The following RPGRIP1 variants were observed in gnomAD, a reference collection of about 807,000 sequenced individuals.
RPGRIP1 encodes the protein RPGR interacting protein 1, also known as X-linked retinitis pigmentosa GTPase regulator-interacting protein 1.
In RPGRIP1, 128 loss-of-function variants were observed where a neutral mutation model predicts 157.9. The ratio of observed to expected loss-of-function variants is 0.81; its 90% CI spans 0.70 to 0.94. The LOEUF is 0.94. RPGRIP1 is among the 40% of genes least tolerant of loss of function. The pLI is 0.00. For missense variants in RPGRIP1, 1,486 were observed against 1,545.8 expected (o/e 0.96, Z 0.65); for synonymous variants, 554 against 571.6 (o/e 0.97, Z 0.44).
chr14:21,294,749 T>C lies in RPGRIP1; in HGVS notation c.158T>C (p.Leu53Pro). The C allele has an allele frequency of 1.4e-5, 23 of 1,613,092 alleles. No homozygotes were observed. Among genetic ancestry groups the C allele is most frequent in the Non-Finnish European group, 1.9e-5 (22 of 1,179,494 alleles). The change falls in exon 3 of 25, where the codon CTT becomes CCT. Residue 53 changes from leucine (L) to proline (P), a missense_variant. By Grantham distance (98) the Leu-to-Pro change is moderately conservative. Transcript: ENST00000400017. The part of the protein sequence containing the change: ...REELEDSFFR[L>P]REDHMLVKEL... ...GAATTGGAGGACAGTTTCTTTCGAC[T>C]TCGCGAAGATCACATGTTGGTGAAG...
Position 21,296,506 on chromosome 14 carries a change from G to T in RPGRIP1, c.218+1697G>T, listed in dbSNP as rs563567051. Among the ~76,000 whole-genome samples, 29 of 151,468 alleles carry T rather than the reference G, an allele frequency of 1.9e-4. No individual in the cohort carries two copies. In the South Asian group the frequency reaches 6.1e-3, roughly 32 times the overall value. ...TGGGATTACAGGCATTAGCCAACAC[G>T]CCAGGCCTTAATATTTGTATTTTTT... is the stretch of plus-strand genomic sequence containing the variant. On this transcript the variant is annotated intron_variant, in intron 3 of 24. Coordinates refer to ENST00000400017, the MANE Select transcript of RPGRIP1 (RefSeq NM_020366.4).
At chr14:21,308,367 C>T (rs1199694214) in intron 7 of RPGRIP1, among the ~76,000 whole-genome samples, 1 of 152,178 alleles carries the variant, frequency 6.6e-6, no homozygotes, top group African/African-American at 2.4e-5. Context: ...CAGCACCATC[C>T]TTTTATTGAA....
chr14:21,294,567 C>T (rs1880680399), intron 2 of RPGRIP1, 110 bp from the exon 3 acceptor site: 4 of 1,107,070 alleles, frequency 3.6e-6, no homozygotes, highest in Non-Finnish European at 5.2e-6. Context: ...CTCATAAATA[C>T]TTGACTCAAG....
intron 20 of RPGRIP1, among the ~76,000 whole-genome samples, chr14:21,334,229 C>T (rs1884098417): frequency 1.3e-5 from 2 of 151,930 alleles, no homozygotes; most frequent in African/African-American, 4.8e-5. Context: ...GCCAGAGAGG[C>T]CATCTTTGGA....
At chr14:21,316,300 T>TG (rs1881805226) in intron 10 of RPGRIP1, among the ~76,000 whole-genome samples, 2 of 152,024 alleles carry the variant, frequency 1.3e-5, no homozygotes, top group East Asian at 3.9e-4. Context: ...TTAATGGAGA[T>TG]GGGGTTTCAC....
intron 24 of RPGRIP1, 151 bp from the exon 25 acceptor site, chr14:21,350,953 A>G: frequency 1.8e-6 from 1 of 569,744 alleles, no homozygotes; most frequent in Admixed American, 3.2e-5. Context: ...GCACCTATAC[A>G]CTATACCATT....
Position 21,297,615 on chromosome 14 carries a change from C to T in RPGRIP1, c.218+2806C>T, listed in dbSNP as rs956151543. 7.2e-5 allele frequency among the ~76,000 whole-genome samples: 11 copies of T among 152,072 alleles called. 1 individual carries two copies. Among genetic ancestry groups the T allele is most frequent in the Admixed American group, 6.6e-4 (10 of 15,238 alleles). ...CCAGCCAAGGACCACCAGGAACATACCAACAGTTGAGCAAGCTGGGCTTAT... is the reference window on the plus strand; with the variant it reads ...CCAGCCAAGGACCACCAGGAACATATCAACAGTTGAGCAAGCTGGGCTTAT... On this transcript the variant is annotated intron_variant, in intron 3 of 24. Coordinates refer to ENST00000400017, the MANE Select transcript of RPGRIP1 (RefSeq NM_020366.4).
rs1357496245 is a variant in RPGRIP1, at chr14:21,327,643, C to A, written c.2731C>A (p.Pro911Thr). The A allele has an allele frequency of 6.2e-7, 1 of 1,613,842 alleles. No homozygotes were observed. Among genetic ancestry groups the A allele is most frequent in the Non-Finnish European group, 8.5e-7 (1 of 1,179,820 alleles). Reference protein sequence around the residue: ...SIKGDFNLTDPAEKPNGSIQV... With the variant: ...SIKGDFNLTDTAEKPNGSIQV... ...CTCAGGTGATTTTAACCTCACTGAC[C>A]CTGCAGAGAAACCCAACGGATCTAT... Residue 911 changes from proline (P) to threonine (T), a missense_variant, in exon 18 of 25, where the codon CCT becomes ACT. By Grantham distance (38) the Pro-to-Thr change is conservative (BLOSUM62 -1). Coordinates refer to ENST00000400017, the MANE Select transcript of RPGRIP1 (RefSeq NM_020366.4).
At chr14:21,346,555 GA>G (rs112183474) in intron 23 of RPGRIP1, among the ~76,000 whole-genome samples, 2,575 of 148,950 alleles carry the variant, frequency 0.017, 75 homozygotes, top group African/African-American at 0.057. Flanking sequence ...TGCCTCTAAG[GA>G]AAAAAAAAAG....
intron 3 of RPGRIP1, among the ~76,000 whole-genome samples, chr14:21,298,749 G>A (rs1170393645): frequency 6.6e-6 from 1 of 151,612 alleles, no homozygotes; most frequent in Non-Finnish European, 1.5e-5. Context: ...AGACCAGCCT[G>A]TTCAACATGG....
At chr14:21,294,860 T>TTTTTTTTTG (rs1880701556) in intron 3 of RPGRIP1, 51 bp downstream of exon 3, 1 of 885,250 alleles carries the variant, frequency 1.1e-6, no homozygotes, top group Non-Finnish European at 1.5e-6. Context: ...TTTTTTTTTT[T>TTTTTTTTTG]TTGAGACGGA....
At chr14:21,317,892 C>T (rs375232215) in intron 11 of RPGRIP1, 42 bp downstream of exon 11, 6 of 1,527,534 alleles carry the variant, frequency 3.9e-6, no homozygotes, top group South Asian at 1.2e-5. Flanking sequence ...GTGGCATCCT[C>T]TACCTCTGGT....
chr14:21,332,363 A>G (rs1422922492), intron 20 of RPGRIP1, among the ~76,000 whole-genome samples: 3 of 152,252 alleles, frequency 2.0e-5, no homozygotes, highest in Non-Finnish European at 4.4e-5. Flanking sequence ...TTTCTCCGTC[A>G]AAGTTTACTC....
chr14:21,305,810 A>G (rs1259824027), intron 6 of RPGRIP1, among the ~76,000 whole-genome samples: 1 of 152,140 alleles, frequency 6.6e-6, no homozygotes, highest in East Asian at 1.9e-4. Context: ...GCACTGGGCC[A>G]AGATTATGCT....
intron 1 of RPGRIP1, among the ~76,000 whole-genome samples, chr14:21,281,044 A>T (rs1880106484): frequency 6.7e-6 from 1 of 150,246 alleles, no homozygotes; most frequent in Non-Finnish European, 1.5e-5. Context: ...TTTGAGACAG[A>T]ATCTCTCTCT....
chr14:21,281,910 T>C (rs535611599), intron 1 of RPGRIP1, among the ~76,000 whole-genome samples: 2 of 151,578 alleles, frequency 1.3e-5, no homozygotes, highest in Middle Eastern at 3.4e-3. Flanking sequence ...CTGGCCAAAA[T>C]TGTGAAATCT....
intron 10 of RPGRIP1, among the ~76,000 whole-genome samples, chr14:21,315,517 A>C (rs1345487162): frequency 7.7e-6 from 1 of 129,614 alleles, no homozygotes; most frequent in Non-Finnish European, 1.6e-5. Flanking sequence ...AAAAAAAAAA[A>C]AAACAAAAAA....
rs778566721 is a variant in RPGRIP1 at position 21,311,967 on chromosome 14, G to A, written c.1074G>A (p.Lys358=). The change falls in exon 9 of 25, where the codon AAG becomes AAA. Residue 358 remains lysine, a synonymous_variant. Coordinates refer to ENST00000400017, the MANE Select transcript of RPGRIP1 (RefSeq NM_020366.4). ...TGTCTATCTTGCAGATGACTCTGAA[G>A]GAGGTAAATAATAATAGTTGAAAGA... The part of the protein sequence containing the change: ...EDVSILQMTL[K]EFQERVEDLE... 3.7e-6 allele frequency: 6 copies of A among 1,612,046 alleles called. No homozygotes were observed. In the South Asian group the frequency reaches 6.6e-5, roughly 18 times the overall value.
chr14:21,335,519 C>T (rs186365286), intron 21 of RPGRIP1, among the ~76,000 whole-genome samples: 14 of 151,916 alleles, frequency 9.2e-5, no homozygotes, highest in Non-Finnish European at 1.0e-4. Context: ...TTAAGAGACA[C>T]GCATCAAAAA....
Sources: allele counts gnomAD v4.1 joint callset (sites outside exome capture counted in the v4.1 genomes callset), GRCh38; gene constraint gnomAD v4.1.1; transcripts MANE v1.5; gene names NCBI Gene and HGNC (gene_info 2026-07-23, HGNC 2026-07-21).